The following ROBO2 variants were observed in gnomAD, a reference collection of about 807,000 sequenced individuals.
ROBO2 encodes roundabout homolog 2.
ROBO2 carries 53 observed loss-of-function variants against 160.8 expected under a neutral mutation model. That is an observed-to-expected ratio of 0.33 (90% CI 0.26 to 0.41). The LOEUF (loss-of-function observed/expected upper bound fraction) is 0.41. Among genes scored for constraint, ROBO2 ranks in the 10% least tolerant of loss-of-function variants. ROBO2 has a pLI of 1.00. For missense variants in ROBO2, 1,577 were observed against 1,722.4 expected (o/e 0.92, Z 1.49); for synonymous variants, 664 against 611.7 (o/e 1.09, Z -1.26).
At chr3:77,562,621 A>T in intron 9 of ROBO2, 30 bp from the exon 11 acceptor site, 1 of 1,527,296 alleles carries the variant, frequency 6.5e-7, no homozygotes, top group Non-Finnish European at 9.1e-7. Context: ...GACTGAAACA[A>T]TTTAATTCTC....
chr3:76,692,085 A>C (rs1325000346), intron 2 of ROBO2, among the ~76,000 whole-genome samples: 1 of 151,982 alleles, frequency 6.6e-6, no homozygotes, highest in Admixed American at 6.6e-5. Context: ...AGAAGAATGG[A>C]GATGTAGGAG....
intron 2 of ROBO2, among the ~76,000 whole-genome samples, chr3:77,321,552 G>C (rs139093474): frequency 3.3e-5 from 5 of 152,080 alleles, no homozygotes; most frequent in African/African-American, 1.2e-4. Flanking sequence ...AGAAAAGTTT[G>C]ATACTGGAAA....
At chr3:77,028,668 A>C (rs561859865) in intron 2 of ROBO2, among the ~76,000 whole-genome samples, 1 of 152,136 alleles carries the variant, frequency 6.6e-6, no homozygotes, top group Non-Finnish European at 1.5e-5. Context: ...GCAGTGAGCC[A>C]AGATCGCGTC....
At chr3:77,051,438 C>A (rs2065217766) in intron 1 of ROBO2, among the ~76,000 whole-genome samples, 1 of 152,128 alleles carries the variant, frequency 6.6e-6, no homozygotes, top group East Asian at 1.9e-4. Flanking sequence ...ATTTTAAGAA[C>A]CCTTTCCAGG....
intron 1 of ROBO2, among the ~76,000 whole-genome samples, chr3:75,931,072 ATCTTTC>A (rs1947511350): frequency 6.6e-6 from 1 of 152,172 alleles, no homozygotes; most frequent in Admixed American, 6.5e-5. Context: ...AGTTTCACAT[ATCTTTC>A]TCTTTCAGCC....
At chr3:77,164,899 C>T (rs1326725590) in intron 2 of ROBO2, among the ~76,000 whole-genome samples, 3 of 105,702 alleles carry the variant, frequency 2.8e-5, no homozygotes, top group East Asian at 2.3e-4. Flanking sequence ...GGGGGTCAGC[C>T]CCCCGCCCGG....
intron 2 of ROBO2, among the ~76,000 whole-genome samples, chr3:77,233,461 T>C (rs1341245364): frequency 2.0e-5 from 3 of 152,164 alleles, no homozygotes; most frequent in Non-Finnish European, 4.4e-5. Context: ...CAACATCTGC[T>C]TCCTAGGCTT....
chr3:76,000,552 G>C (rs148727978), intron 2 of ROBO2, among the ~76,000 whole-genome samples: 21 of 143,984 alleles, frequency 1.5e-4, no homozygotes, highest in African/African-American at 4.9e-4. Flanking sequence ...GAAGTGGTGT[G>C]ATCTCGGCTC....
At position 77,247,103 on chromosome 3, in the gene ROBO2, A is replaced by G. The variant is rs939359092; in HGVS notation, c.388+148763A>G. Among the ~76,000 whole-genome samples the G allele has an allele frequency of 4.6e-5, 7 of 152,212 alleles. No individual in the cohort carries two copies. In the East Asian group the frequency reaches 7.7e-4, roughly 17 times the overall value. ...AATTGTATCTATTATTTTAGTGGCT[A>G]TCTACCAAGAGCTGAATCATTCTGT... On this transcript the variant is annotated intron_variant, in intron 2 of 25. Coordinates refer to ENST00000461745, the Ensembl canonical transcript of ROBO2.
At chr3:77,204,116 T>G (rs2083185375) in intron 2 of ROBO2, among the ~76,000 whole-genome samples, 1 of 152,140 alleles carries the variant, frequency 6.6e-6, no homozygotes, top group South Asian at 2.1e-4. Flanking sequence ...GTAAAATATA[T>G]TGAGGTCTAT....
intron 2 of ROBO2, among the ~76,000 whole-genome samples, chr3:76,604,557 T>C (rs922379430): frequency 3.3e-5 from 5 of 152,188 alleles, no homozygotes; most frequent in African/African-American, 1.2e-4. Context: ...GATGTGTCCC[T>C]ATTGGCCTAA....
intron 2 of ROBO2, among the ~76,000 whole-genome samples, chr3:77,382,346 CTTTT>C (rs58518864): frequency 0.33 from 44,837 of 134,896 alleles, 7,060 homozygotes; most frequent in African/African-American, 0.39. Flanking sequence ...AACACATGTC[CTTTT>C]TTTTTTTTTT....
chr3:77,517,444 C>T (rs1333595257), intron 5 of ROBO2, among the ~76,000 whole-genome samples: 5 of 151,474 alleles, frequency 3.3e-5, no homozygotes, highest in African/African-American at 4.8e-5. Context: ...ACTTTAAACA[C>T]CGTAAATAAA....
chr3:77,637,334 T>G lies in ROBO2; in HGVS notation c.3934+2291T>G, dbSNP rs2095281196. 1.3e-5 allele frequency among the ~76,000 whole-genome samples: 2 copies of G among 152,226 alleles called. 1 individual carries two copies. Among genetic ancestry groups the G allele is most frequent in the South Asian group, 4.1e-4 (2 of 4,836 alleles). ...GTTTGGGGAAGGGAGTATCCAATCC[T>G]GCAGCCCTATTTGTGCTTTCTTTTG... On this transcript the variant is annotated intron_variant, in intron 24 of 25. Coordinates refer to ENST00000461745, the Ensembl canonical transcript of ROBO2.
At chr3:76,202,545 A>C (rs1702585995) in intron 2 of ROBO2, among the ~76,000 whole-genome samples, 1 of 152,280 alleles carries the variant, frequency 6.6e-6, no homozygotes, top group South Asian at 2.1e-4. Flanking sequence ...GAATTTATTA[A>C]ATGGATCATA....
chr3:76,142,990 T>C (rs1430760427), intron 2 of ROBO2, among the ~76,000 whole-genome samples: 5 of 151,892 alleles, frequency 3.3e-5, no homozygotes, highest in Non-Finnish European at 5.9e-5. Context: ...GAAATAAATT[T>C]TCACGTCATT....
At chr3:77,119,435 A>G (rs2074531752) in intron 2 of ROBO2, among the ~76,000 whole-genome samples, 1 of 152,216 alleles carries the variant, frequency 6.6e-6, no homozygotes, top group African/African-American at 2.4e-5. Context: ...ATGGTGTATG[A>G]CTGTATATTA....
intron 2 of ROBO2, among the ~76,000 whole-genome samples, chr3:76,847,054 A>G (rs1315046047): frequency 6.6e-6 from 1 of 152,174 alleles, no homozygotes; most frequent in Non-Finnish European, 1.5e-5. Flanking sequence ...TTTGTTAAAC[A>G]TGTCAAACAC....
chr3:76,725,763 T>G (rs566610480), intron 2 of ROBO2, among the ~76,000 whole-genome samples: 1 of 152,290 alleles, frequency 6.6e-6, no homozygotes, highest in South Asian at 2.1e-4. Context: ...AGTGGAATTC[T>G]ACACTGAGGG....
Sources: allele counts gnomAD v4.1 joint callset (sites outside exome capture counted in the v4.1 genomes callset), GRCh38; gene constraint gnomAD v4.1.1; transcripts MANE v1.5; gene names NCBI Gene and HGNC (gene_info 2026-07-23, HGNC 2026-07-21).